Variants in FRY observed in about 807,000 individuals in gnomAD.
FRY encodes the protein FRY microtubule binding protein, also known as protein furry homolog.
A neutral mutation model predicts 348.4 loss-of-function variants in FRY; 128 were observed. The ratio of observed to expected loss-of-function variants is 0.37; its 90% CI spans 0.32 to 0.43. FRY has a LOEUF of 0.43. Ranked by LOEUF, FRY falls within the 20% of genes least tolerant of loss-of-function variation. The pLI is 1.00. For synonymous variants in FRY, 1,370 were observed against 1,374.7 expected, an observed-to-expected ratio of 1.00 and a Z score of 0.08; for missense variants, 2,736 against 3,695.2, an observed-to-expected ratio of 0.74 and a Z score of 6.73.
chr13:32,163,247 A>C (rs963374180), intron 17 of FRY, among the ~76,000 whole-genome samples: 4 of 152,230 alleles, frequency 2.6e-5, no homozygotes, highest in Non-Finnish European at 5.9e-5. Flanking sequence ...CCAAGGCCTC[A>C]TGACTGTCTG....
At chr13:32,251,437 A>G (rs1887079015) in intron 49 of FRY, among the ~76,000 whole-genome samples, 1 of 152,220 alleles carries the variant, frequency 6.6e-6, no homozygotes, top group African/African-American at 2.4e-5. Flanking sequence ...CCTTGCTAAT[A>G]CTGAAAGTTT....
intron 23 of FRY, among the ~76,000 whole-genome samples, chr13:32,181,103 G>T (rs994732030): frequency 2.0e-5 from 3 of 151,640 alleles, no homozygotes; most frequent in Admixed American, 2.0e-4. Flanking sequence ...TATTGGCCAG[G>T]ATGGTCTCGA....
chr13:32,214,077 T>C (rs76148070), intron 35 of FRY, among the ~76,000 whole-genome samples: 5,309 of 152,336 alleles, frequency 0.035, 109 homozygotes, highest in East Asian at 0.087. Context: ...CAAACATATG[T>C]CTATGAATAT....
At chr13:32,040,138 T>A (rs1024781385) in intron 1 of FRY, among the ~76,000 whole-genome samples, 1 of 152,244 alleles carries the variant, frequency 6.6e-6, no homozygotes, top group African/African-American at 2.4e-5. Flanking sequence ...ATGAAAAGAA[T>A]AGGGTATTAG....
chr13:32,083,775 G>A (rs1040684283), intron 2 of FRY, among the ~76,000 whole-genome samples: 4 of 151,940 alleles, frequency 2.6e-5, no homozygotes, highest in East Asian at 1.9e-4. Flanking sequence ...TGGGAACATC[G>A]TTTCATCTTC....
rs1882533033 is a variant in FRY, at chr13:32,178,942, A to C, written c.2780A>C (p.Lys927Thr). The change falls in exon 22 of 61, where the codon AAA becomes ACA. Residue 927 changes from lysine to threonine, a missense_variant. Lys to Thr is a moderately conservative substitution (Grantham distance 78). Transcript: ENST00000542859. ...NYLILCFGVA[K>T]PSIMSPGHLR... ...CTAATTCTTTGTTTTGGAGTTGCAA[A>C]ACCCAGTATTATGAGCCCAGGACAC... 1 of 1,613,682 alleles carries C rather than the reference A, an allele frequency of 6.2e-7. No homozygotes were observed.
chr13:32,073,492 C>G (rs79292789), intron 1 of FRY, among the ~76,000 whole-genome samples: 2,143 of 152,020 alleles, frequency 0.014, 51 homozygotes, highest in African/African-American at 0.049. Flanking sequence ...TTTCCTTGTT[C>G]TTTTAGAATT....
At chr13:32,124,935 C>T in intron 7 of FRY, 60 bp downstream of exon 7, 2 of 1,257,088 alleles carry the variant, frequency 1.6e-6, no homozygotes, top group Admixed American at 1.7e-5. Flanking sequence ...GTCCTTCCAG[C>T]CCTAATTTAG....
intron 42 of FRY, among the ~76,000 whole-genome samples, chr13:32,235,739 T>C (rs1886194418): frequency 6.6e-6 from 1 of 152,210 alleles, no homozygotes; most frequent in South Asian, 2.1e-4. Context: ...CAGCTCTTCC[T>C]GTACCTCTCC....
At chr13:32,264,530 C>A (rs1887823106) in intron 53 of FRY, among the ~76,000 whole-genome samples, 1 of 152,174 alleles carries the variant, frequency 6.6e-6, no homozygotes, top group Non-Finnish European at 1.5e-5. Flanking sequence ...ACATGTACAT[C>A]TTTCTTCCTC....
chr13:32,251,383 A>G (rs1391019102), intron 49 of FRY, among the ~76,000 whole-genome samples: 1 of 152,244 alleles, frequency 6.6e-6, no homozygotes, highest in East Asian at 1.9e-4. Context: ...CTTCTATTTG[A>G]GAAAAAGAGA....
intron 16 of FRY, among the ~76,000 whole-genome samples, chr13:32,157,814 A>ACTGCATCAC (rs1881201135): frequency 6.6e-6 from 1 of 152,210 alleles, no homozygotes; most frequent in Non-Finnish European, 1.5e-5. Flanking sequence ...TGCATCACAG[A>ACTGCATCAC]AAGCATTTTA....
At chr13:32,158,231 A>G (rs1015464141) in intron 16 of FRY, among the ~76,000 whole-genome samples, 1 of 152,232 alleles carries the variant, frequency 6.6e-6, no homozygotes, top group African/African-American at 2.4e-5. Flanking sequence ...GGTAGAATCT[A>G]AAGTTAAAAT....
chr13:32,243,262 A>G (rs1031102395), intron 46 of FRY, among the ~76,000 whole-genome samples: 1 of 152,190 alleles, frequency 6.6e-6, no homozygotes, highest in Non-Finnish European at 1.5e-5. Context: ...TATTAACTGC[A>G]TGACGTTTCA....
At chr13:32,196,247 A>G (rs1321599441) in intron 29 of FRY, among the ~76,000 whole-genome samples, 1 of 152,214 alleles carries the variant, frequency 6.6e-6, no homozygotes, top group African/African-American at 2.4e-5. Context: ...TTTCTAAAGC[A>G]AAGAATTCTT....
At position 32,237,801 on chromosome 13, in the gene FRY, A is replaced by G; in HGVS notation, c.6233A>G (p.Lys2078Arg). 6.2e-7 allele frequency: 1 copy of G among 1,614,206 alleles called. No individual in the cohort carries two copies. ...CTACTGGCACATATGCCACTCGATA[A>G]GGCTGAGAACCGAGAAAAGCTTGAG... ...SRLLAHMPLD[K>R]AENREKLEKL... Residue 2078 changes from lysine to arginine, a missense_variant, in exon 44 of 61, where the codon AAG becomes AGG. Lys to Arg is a conservative substitution (Grantham distance 26). Coordinates refer to ENST00000542859, the MANE Select transcript of FRY (RefSeq NM_023037.3). The surrounding 1 kb of genome is among the most constrained non-coding windows in gnomAD (Gnocchi z 6.3).
Position 32,279,420 on chromosome 13 carries a change from A to G in FRY, c.8469+872A>G, listed in dbSNP as rs145157147. On this transcript the variant is annotated intron_variant, in intron 58 of 60. Transcript: ENST00000542859. ...GCTGAAAGCACCGAAAGCCCTGTGG[A>G]GAAAAGGTTGAGAAGAGTCTGGAGA... Among the ~76,000 whole-genome samples the G allele has an allele frequency of 3.2e-4, 48 of 152,378 alleles. No homozygotes were observed. In the East Asian group the frequency reaches 8.1e-3, roughly 26 times the overall value.
chr13:32,039,501 C>A (rs946066928), intron 1 of FRY, among the ~76,000 whole-genome samples: 3 of 148,624 alleles, frequency 2.0e-5, no homozygotes, highest in Non-Finnish European at 4.5e-5. Flanking sequence ...CCTCCCCCCC[C>A]ATACGTGTGT....
Position 32,237,995 on chromosome 13 carries a change from A to G in FRY, c.6418+9A>G. On this transcript the variant is annotated intron_variant, in intron 44 of 60. Transcript: ENST00000542859. This position sits in a 1 kb window ranked among gnomAD's most constrained non-coding sequence, Gnocchi z 6.3. ...TGCATCCCACGCTATTGGTAAAGCCAGCCTCGTTCACCCTGTCTCAATTCT... is the reference window on the plus strand; with the variant it reads ...TGCATCCCACGCTATTGGTAAAGCCGGCCTCGTTCACCCTGTCTCAATTCT... 1 of 1,612,756 alleles carries G rather than the reference A, an allele frequency of 6.2e-7. No individual in the cohort carries two copies. The highest frequency in any genetic ancestry group is 8.5e-7 in the Non-Finnish European group (1 of 1,179,968).
Sources: allele counts gnomAD v4.1 joint callset (sites outside exome capture counted in the v4.1 genomes callset), GRCh38; gene constraint gnomAD v4.1.1; non-coding constraint Gnocchi (gnomAD v3.1); transcripts MANE v1.5; gene names NCBI Gene and HGNC (gene_info 2026-07-23, HGNC 2026-07-21).